The following RALGAPA2 variants were observed in gnomAD, a reference collection of about 807,000 sequenced individuals.
The protein encoded by RALGAPA2 is ral GTPase-activating protein subunit alpha-2.
In RALGAPA2, 139 loss-of-function variants were observed where a neutral mutation model predicts 230.4. The ratio of observed to expected loss-of-function variants is 0.60; its 90% CI spans 0.53 to 0.69. The LOEUF is 0.69. Among genes scored for constraint, RALGAPA2 ranks in the 30% least tolerant of loss-of-function variants. The probability of loss-of-function intolerance (pLI) is 0.00; values close to 1 mark genes in which losing one functional copy is unlikely to be tolerated. For missense variants in RALGAPA2, 2,163 were observed against 2,276.0 expected, an observed-to-expected ratio of 0.95 and a Z score of 1.01; for synonymous variants, 847 against 837.8, an observed-to-expected ratio of 1.01 and a Z score of -0.19.
intron 37 of RALGAPA2, among the ~76,000 whole-genome samples, chr20:20,467,036 T>A (rs903313412): frequency 1.3e-5 from 2 of 152,182 alleles, no homozygotes; most frequent in African/African-American, 4.8e-5. Flanking sequence ...CTGAAAAAAC[T>A]GCTGACTGGA....
At chr20:20,625,092 C>A (rs561674045) in intron 10 of RALGAPA2, among the ~76,000 whole-genome samples, 1 of 152,220 alleles carries the variant, frequency 6.6e-6, no homozygotes, top group South Asian at 2.1e-4. Flanking sequence ...TTGGTCTATA[C>A]CTGCTTGCTT....
chr20:20,490,973 C>G (rs1479331249), intron 36 of RALGAPA2, among the ~76,000 whole-genome samples: 2 of 151,042 alleles, frequency 1.3e-5, no homozygotes, highest in African/African-American at 2.4e-5. Flanking sequence ...TGGGGATAGT[C>G]AGGACAACTT....
At position 20,615,669 on chromosome 20, in the gene RALGAPA2, G is replaced by A. The variant is rs76729110; in HGVS notation, c.1688+374C>T. On this transcript the variant is annotated intron_variant, in intron 13 of 39. Transcript: ENST00000202677. ...TGCTTTTCCAAAATGAATTTAAAAC[G>A]TCAAGTTAGAAGCAATAAAAATCAG... Among the ~76,000 whole-genome samples, 1,065 of 152,196 alleles carry A rather than the reference G, an allele frequency of 7.0e-3. 12 individuals are homozygous for A. The highest frequency in any genetic ancestry group is 0.024 in the African/African-American group (1,007 of 41,532).
At chr20:20,508,803 C>T (rs913535142) in intron 33 of RALGAPA2, among the ~76,000 whole-genome samples, 2 of 152,152 alleles carry the variant, frequency 1.3e-5, no homozygotes, top group African/African-American at 4.8e-5. Context: ...CTTGAAAATA[C>T]CCTTCACCAT....
intron 21 of RALGAPA2, among the ~76,000 whole-genome samples, chr20:20,572,458 A>C (rs985113667): frequency 3.3e-5 from 5 of 152,046 alleles, no homozygotes; most frequent in East Asian, 1.9e-4. Flanking sequence ...AAAAAAAAAA[A>C]AAAACTTGTA....
chr20:20,463,020 A>G (rs1376147657), intron 37 of RALGAPA2, among the ~76,000 whole-genome samples: 1 of 152,118 alleles, frequency 6.6e-6, no homozygotes, highest in African/African-American at 2.4e-5. Flanking sequence ...AGAGGTTCTG[A>G]TGTCTCACTG....
chr20:20,615,036 T>C (rs1278208498), intron 13 of RALGAPA2, among the ~76,000 whole-genome samples: 1 of 152,004 alleles, frequency 6.6e-6, no homozygotes, highest in Admixed American at 6.6e-5. Context: ...GAGGAGCATT[T>C]TAAAGGCAGA....
At chr20:20,653,460 T>C in intron 4 of RALGAPA2, 70 bp downstream of exon 4, 1 of 842,984 alleles carries the variant, frequency 1.2e-6, no homozygotes, top group Non-Finnish European at 1.9e-6. Context: ...TGATATCAAT[T>C]ATATAAAACA....
Position 20,536,702 on chromosome 20 carries a change from G to T in RALGAPA2, c.3368C>A (p.Ser1123Ter), listed in dbSNP as rs1413377716. ...NTYQEIPLLQ[S>*]VPEVNEAITG... ...AATGGCCTCATTTACTTCTGGCACT[G>T]ACTGCAGTAAAGGAATCTCCTGGTA... Residue 1123 changes from serine (S) to a stop codon, truncating the protein, a stop_gained, in exon 25 of 40, where the codon TCA becomes TAA. Coordinates refer to ENST00000202677, the MANE Select transcript of RALGAPA2 (RefSeq NM_020343.4). LOFTEE classifies it high-confidence loss of function. The T allele has an allele frequency of 1.9e-6, 3 of 1,613,076 alleles. No individual in the cohort carries two copies. The South Asian group carries it at 3.3e-5, about 18-fold the overall frequency.
At chr20:20,508,937 A>T (rs977464898) in intron 33 of RALGAPA2, among the ~76,000 whole-genome samples, 12 of 152,256 alleles carry the variant, frequency 7.9e-5, no homozygotes, top group African/African-American at 2.9e-4. Flanking sequence ...TTTCGTTGCA[A>T]CAGTACCCCA....
intron 23 of RALGAPA2, among the ~76,000 whole-genome samples, chr20:20,570,934 A>G (rs1019629788): frequency 1.3e-5 from 2 of 152,234 alleles, no homozygotes; most frequent in Admixed American, 6.5e-5. Flanking sequence ...AGAGGTAGCT[A>G]GTGGCTCCTT....
rs2062753795 is a variant in RALGAPA2 at position 20,512,852 on chromosome 20, G to A, written c.4517C>T (p.Pro1506Leu). The A allele has an allele frequency of 1.9e-6, 3 of 1,613,426 alleles. No homozygotes were observed. The highest frequency in any genetic ancestry group is 1.7e-6 in the Non-Finnish European group (2 of 1,179,382). ...CTCAACTTGAGAAGAGTCTTTCTGAGGTCCAAATGTGTCACGATGCCAGCT... is the reference window on the plus strand; with the variant it reads ...CTCAACTTGAGAAGAGTCTTTCTGAAGTCCAAATGTGTCACGATGCCAGCT... ...ISSWHRDTFG[P>L]QKDSSQVEEG... Residue 1506 changes from proline (P) to leucine (L), a missense_variant, in exon 32 of 40, where the codon CCT (proline) becomes CTT (leucine). Pro to Leu is a moderately conservative substitution (Grantham distance 98). Coordinates refer to ENST00000202677, the MANE Select transcript of RALGAPA2 (RefSeq NM_020343.4).
At position 20,528,811 on chromosome 20, in the gene RALGAPA2, GCAGGAAGCCCTGC is replaced by G. The variant is rs560107870; in HGVS notation, c.3583-2462_3583-2450del. The stretch of plus-strand genomic sequence containing the variant: ...GCTGGCTTTATGTGGAGCCCGTAAA[GCAGGAAGCCCTGC>G]CAGAGCTTGCACTCTCCGCTACCCA... On this transcript the variant is annotated intron_variant, in intron 27 of 39. Coordinates refer to ENST00000202677, the MANE Select transcript of RALGAPA2 (RefSeq NM_020343.4). 8.5e-5 allele frequency among the ~76,000 whole-genome samples: 13 copies of G among 152,300 alleles called. No individual in the cohort carries two copies. The South Asian group carries it at 2.7e-3, about 32-fold the overall frequency.
chr20:20,458,690 C>T (rs1174239480), intron 37 of RALGAPA2, among the ~76,000 whole-genome samples: 1 of 119,622 alleles, frequency 8.4e-6, no homozygotes, highest in Non-Finnish European at 1.7e-5. Context: ...ATATATAGAC[C>T]TATATATATA....
chr20:20,523,694 T>C (rs1355410559), intron 30 of RALGAPA2, among the ~76,000 whole-genome samples: 5 of 152,192 alleles, frequency 3.3e-5, no homozygotes, highest in African/African-American at 1.2e-4. Context: ...CCTGAAAATA[T>C]GTACATCTAA....
intron 16 of RALGAPA2, among the ~76,000 whole-genome samples, chr20:20,596,756 C>T (rs1471931088): frequency 6.6e-5 from 10 of 152,202 alleles, no homozygotes; most frequent in African/African-American, 2.2e-4. Context: ...GAGCCCAGGC[C>T]ACTTGATTTC....
At chr20:20,536,010 T>C (rs2063489238) in intron 25 of RALGAPA2, among the ~76,000 whole-genome samples, 2 of 152,194 alleles carry the variant, frequency 1.3e-5, no homozygotes, top group Admixed American at 6.5e-5. Flanking sequence ...AGGGCCTCCT[T>C]AGGCCATTCA....
chr20:20,528,480 A>G (rs1297005971), intron 27 of RALGAPA2, among the ~76,000 whole-genome samples: 1 of 152,140 alleles, frequency 6.6e-6, no homozygotes, highest in Admixed American at 6.5e-5. Context: ...ATGGGCATTC[A>G]GGAAGTACAG....
chr20:20,683,788 T>C lies in RALGAPA2; in HGVS notation c.107-2987A>G, dbSNP rs375160903. Among the ~76,000 whole-genome samples, 43 of 152,300 alleles carry C rather than the reference T, an allele frequency of 2.8e-4. No homozygotes were observed. The East Asian group carries it at 7.1e-3, about 25-fold the overall frequency. On this transcript the variant is annotated intron_variant, in intron 1 of 39. Coordinates refer to ENST00000202677, the MANE Select transcript of RALGAPA2 (RefSeq NM_020343.4). ...AGCACCGGTTCCCACATCTCCTGCC[T>C]GAATCACCACATTTTCAAAAAAGAT...
Sources: allele counts gnomAD v4.1 joint callset (sites outside exome capture counted in the v4.1 genomes callset), GRCh38; gene constraint gnomAD v4.1.1; transcripts MANE v1.5; gene names NCBI Gene and HGNC (gene_info 2026-07-23, HGNC 2026-07-21).